The following CNTN4 variants were observed in gnomAD, a reference collection of about 807,000 sequenced individuals.
CNTN4 encodes the protein contactin 4, also known as contactin-4.
In CNTN4, 77 loss-of-function variants were observed where a neutral mutation model predicts 122.5. The ratio of observed to expected loss-of-function variants is 0.63; its 90% CI spans 0.52 to 0.76. The LOEUF (loss-of-function observed/expected upper bound fraction) is 0.76, where lower values mean the gene tolerates loss of function less well. Among genes scored for constraint, CNTN4 ranks in the 30% least tolerant of loss-of-function variants. The pLI is 0.00. For missense variants in CNTN4, 1,256 were observed against 1,259.1 expected, an observed-to-expected ratio of 1.00 and a Z score of 0.04; for synonymous variants, 512 against 447.0, an observed-to-expected ratio of 1.15 and a Z score of -1.83.
chr3:2,435,634 T>C (rs1559550920), intron 3 of CNTN4, among the ~76,000 whole-genome samples: 2 of 152,044 alleles, frequency 1.3e-5, no homozygotes, highest in Admixed American at 6.6e-5. Context: ...TCTTCTTAGT[T>C]CTCCCAAAAA....
At chr3:2,332,305 C>A (rs569685026) in intron 2 of CNTN4, among the ~76,000 whole-genome samples, 16 of 152,220 alleles carry the variant, frequency 1.1e-4, no homozygotes, top group African/African-American at 3.9e-4. Flanking sequence ...GAGATGTATT[C>A]TCTTCTCATT....
intron 6 of CNTN4, among the ~76,000 whole-genome samples, chr3:2,767,004 T>G (rs971278510): frequency 6.6e-6 from 1 of 152,154 alleles, no homozygotes; most frequent in Non-Finnish European, 1.5e-5. Context: ...AAGGACTTGA[T>G]AAGTCAAAGC....
At chr3:2,398,728 G>A (rs2046731757) in intron 3 of CNTN4, among the ~76,000 whole-genome samples, 1 of 152,120 alleles carries the variant, frequency 6.6e-6, no homozygotes, top group Non-Finnish European at 1.5e-5. Context: ...CATTGTTGGG[G>A]TGTATACCAC....
chr3:2,106,658 G>A (rs2032471575), intron 2 of CNTN4, among the ~76,000 whole-genome samples: 1 of 152,162 alleles, frequency 6.6e-6, no homozygotes, highest in Admixed American at 6.5e-5. Context: ...TAGACCTCTG[G>A]GCCTGTGATG....
chr3:2,641,672 C>A (rs939706931), intron 4 of CNTN4, among the ~76,000 whole-genome samples: 2 of 152,110 alleles, frequency 1.3e-5, no homozygotes, highest in Non-Finnish European at 1.5e-5. Flanking sequence ...AATATCCCCC[C>A]CAAACTGTGG....
At chr3:2,198,621 GAA>G (rs2037954364) in intron 2 of CNTN4, among the ~76,000 whole-genome samples, 1 of 152,040 alleles carries the variant, frequency 6.6e-6, no homozygotes, top group South Asian at 2.1e-4. Flanking sequence ...CAGTCAAGAA[GAA>G]AAAGAGAGTA....
At chr3:2,624,627 CTT>C (rs1175851279) in intron 4 of CNTN4, among the ~76,000 whole-genome samples, 3,976 of 89,718 alleles carry the variant, frequency 0.044, 67 homozygotes, top group Admixed American at 0.087. Flanking sequence ...ATTTCTGATT[CTT>C]TTTTTTTTTT....
chr3:2,987,783 C>T (rs570758226), intron 13 of CNTN4, among the ~76,000 whole-genome samples: 3 of 152,302 alleles, frequency 2.0e-5, no homozygotes, highest in Admixed American at 6.5e-5. Context: ...CACATTTGCT[C>T]TTCTGCCAAA....
At chr3:2,351,724 G>A (rs1215294313) in intron 3 of CNTN4, among the ~76,000 whole-genome samples, 1 of 151,480 alleles carries the variant, frequency 6.6e-6, no homozygotes, top group East Asian at 1.9e-4. Flanking sequence ...ACTCCAGAAA[G>A]CAAACCATAG....
intron 2 of CNTN4, among the ~76,000 whole-genome samples, chr3:2,308,653 A>T (rs2042805187): frequency 6.6e-6 from 1 of 151,950 alleles, no homozygotes; most frequent in African/African-American, 2.4e-5. Context: ...CCCCTTGGTT[A>T]TTTATGGATA....
At chr3:2,647,297 C>T (rs113174363) in intron 4 of CNTN4, among the ~76,000 whole-genome samples, 1,646 of 152,176 alleles carry the variant, frequency 0.011, 37 homozygotes, top group African/African-American at 0.037. Context: ...AAGAGAATCG[C>T]TTGAACCTGG....
chr3:2,300,399 A>G lies in CNTN4; in HGVS notation c.-144-38779A>G, dbSNP rs2042461339. Among the ~76,000 whole-genome samples the G allele has an allele frequency of 2.0e-5, 3 of 152,154 alleles. No homozygotes were observed. In the South Asian group the frequency reaches 6.2e-4, roughly 32 times the overall value. On this transcript the variant is annotated intron_variant, in intron 2 of 24. Transcript: ENST00000418658. ...TTGTTGGGAAAGCTTTGCATGTTTT[A>G]TCTTAAGCAATACTTTTTCCTTAAA... is the stretch of plus-strand genomic sequence containing the variant.
intron 2 of CNTN4, among the ~76,000 whole-genome samples, chr3:2,230,061 T>C (rs1028695330): frequency 1.3e-5 from 2 of 152,192 alleles, no homozygotes; most frequent in Admixed American, 1.3e-4. Context: ...TAAGCTTTAT[T>C]AGAGATCCCT....
rs1264574622 is a variant in CNTN4 at position 2,917,146 on chromosome 3, TAAA to T, written c.1208-8480_1208-8478del. 1.4e-5 allele frequency among the ~76,000 whole-genome samples: 2 copies of T among 138,774 alleles called. 1 individual carries two copies. The highest frequency in any genetic ancestry group is 4.7e-4 in the East Asian group (2 of 4,216). The allele number at this position is 138,774 out of a possible 152,430, so 91.0% of individuals were successfully genotyped here. ...GAAACCCCGTCTCCACCAAAAAATATAAAAACCAGTCAGGCGTGGCGGCGCGCG... is the reference window on the plus strand; with the variant it reads ...GAAACCCCGTCTCCACCAAAAAATATAACCAGTCAGGCGTGGCGGCGCGCG... On this transcript the variant is annotated intron_variant, in intron 12 of 24. Transcript: ENST00000418658.
At chr3:2,168,980 T>C (rs890758945) in intron 2 of CNTN4, among the ~76,000 whole-genome samples, 1 of 152,218 alleles carries the variant, frequency 6.6e-6, no homozygotes, top group Non-Finnish European at 1.5e-5. Flanking sequence ...AGTTAAGTGC[T>C]GAAGCTCAAG....
intron 4 of CNTN4, among the ~76,000 whole-genome samples, chr3:2,572,111 G>T (rs937124113): frequency 6.6e-6 from 1 of 152,200 alleles, no homozygotes; most frequent in African/African-American, 2.4e-5. Flanking sequence ...AACATGGCTG[G>T]GCGCAGTGGC....
intron 10 of CNTN4, among the ~76,000 whole-genome samples, chr3:2,896,884 A>G (rs2094120428): frequency 6.6e-6 from 1 of 151,448 alleles, no homozygotes; most frequent in African/African-American, 2.4e-5. Context: ...GCAACCAGAA[A>G]TAACTGTGAA....
At chr3:2,760,096 C>T (rs570055375) in intron 6 of CNTN4, among the ~76,000 whole-genome samples, 10 of 152,196 alleles carry the variant, frequency 6.6e-5, no homozygotes, top group Middle Eastern at 3.4e-3. Flanking sequence ...GTCAAATATA[C>T]GATTTGTAAA....
At chr3:2,403,241 TAC>T (rs2046921277) in intron 3 of CNTN4, among the ~76,000 whole-genome samples, 1 of 152,100 alleles carries the variant, frequency 6.6e-6, no homozygotes, top group Non-Finnish European at 1.5e-5. Context: ...CCTCATCCCT[TAC>T]ACTAGATATA....
Sources: allele counts gnomAD v4.1 joint callset (sites outside exome capture counted in the v4.1 genomes callset), GRCh38; gene constraint gnomAD v4.1.1; transcripts MANE v1.5; gene names NCBI Gene and HGNC (gene_info 2026-07-23, HGNC 2026-07-21).